Variants in PRH1 observed in about 807,000 individuals in gnomAD.
PRH1 encodes the protein salivary acidic proline-rich phosphoprotein 1/2.
A neutral mutation model predicts 7.9 loss-of-function variants in PRH1; 7 were observed. That is an observed-to-expected ratio of 0.89 (90% CI 0.50 to 1.67). PRH1 has a LOEUF of 1.67. PRH1 is among the 40% of genes most tolerant of loss of function. The pLI is 0.00. For missense variants in PRH1, 109 were observed against 223.6 expected, an observed-to-expected ratio of 0.49 and a Z score of 3.27; for synonymous variants, 45 against 80.8, an observed-to-expected ratio of 0.56 and a Z score of 2.38.
At chr12:10,938,001 A>G in intron 2 of PRH1, 1 of 346,252 alleles carries the variant, frequency 2.9e-6, no homozygotes. Context: ...TAAAAATCTC[A>G]AAAAAGGTGA....
At chr12:11,114,665 T>C (rs1047595258) in intron 1 of PRH1, among the ~76,000 whole-genome samples, 1 of 151,928 alleles carries the variant, frequency 6.6e-6, no homozygotes, top group Non-Finnish European at 1.5e-5. Flanking sequence ...AAAAAAATAA[T>C]AGCCACAACA....
chr12:11,080,171 C>G (rs1469454694), intron 1 of PRH1, among the ~76,000 whole-genome samples: 28,248 of 79,972 alleles, frequency 0.35, 1,871 homozygotes, highest in Non-Finnish European at 0.44. Context: ...TACCAACAAG[C>G]TATGCAACCC....
In PRH1 at chr12:11,109,702, T is replaced by C. The variant is rs147442805; in HGVS notation, n.123+61720A>G. Among the ~76,000 whole-genome samples, 256 of 151,986 alleles carry C rather than the reference T, an allele frequency of 1.7e-3. 2 individuals are homozygous for C. The highest frequency in any genetic ancestry group is 5.8e-3 in the African/African-American group (240 of 41,430). On this transcript the variant is annotated intron_variant and non_coding_transcript_variant, in intron 1 of 4. Transcript: ENST00000541977. ...CAAAGACCAAAGGTAGAAAAATCCA[T>C]GATGATGAGGAAAAACCAGGGCAAA...
chr12:11,165,513 GTTAT>G, intron 1 of PRH1, among the ~76,000 whole-genome samples: 1 of 152,162 alleles, frequency 6.6e-6, no homozygotes, highest in Non-Finnish European at 1.5e-5. Context: ...TCCTGAGCAT[GTTAT>G]TTATCTTTTC....
chr12:10,943,134 A>C (rs1950430075), intron 2 of PRH1, among the ~76,000 whole-genome samples: 1 of 152,146 alleles, frequency 6.6e-6, no homozygotes, highest in South Asian at 2.1e-4. Context: ...TTTTTTCTGC[A>C]GTCTTTCTGG....
intron 1 of PRH1, among the ~76,000 whole-genome samples, chr12:11,122,155 A>G (rs1348622956): frequency 6.6e-6 from 1 of 152,228 alleles, no homozygotes; most frequent in Non-Finnish European, 1.5e-5. Context: ...TAGACTTTAC[A>G]CAGAGATTTA....
intron 1 of PRH1, among the ~76,000 whole-genome samples, chr12:11,137,829 T>C (rs1237177564): frequency 6.6e-6 from 1 of 152,148 alleles, no homozygotes; most frequent in East Asian, 1.9e-4. Context: ...TTTAATGAGA[T>C]AGATGTGGAT....
chr12:11,115,905 G>C (rs1483003039), downstream of PRH1, among the ~76,000 whole-genome samples: 1 of 151,872 alleles, frequency 6.6e-6, no homozygotes, highest in Non-Finnish European at 1.5e-5. Flanking sequence ...GCAATACTAA[G>C]AAGGAAATTT....
intron 1 of PRH1, among the ~76,000 whole-genome samples, chr12:11,110,400 G>GCCAGACAGAAA (rs1452017091): frequency 1.3e-5 from 2 of 152,146 alleles, no homozygotes; most frequent in Admixed American, 1.3e-4. Flanking sequence ...AGGAAAAAAT[G>GCCAGACAGAAA]TTAAGAACAG....
At chr12:10,957,206 C>A (rs1467104531) in intron 2 of PRH1, among the ~76,000 whole-genome samples, 1 of 151,800 alleles carries the variant, frequency 6.6e-6, no homozygotes, top group African/African-American at 2.4e-5. Context: ...GGTAGTGGTA[C>A]AAAAACAGGC....
At position 11,085,461 on chromosome 12, in the gene PRH1, C is replaced by T. The variant is rs555399947; in HGVS notation, n.124-38273G>A. Among the ~76,000 whole-genome samples the T allele has an allele frequency of 6.0e-5, 7 of 117,572 alleles. No individual in the cohort carries two copies. In the South Asian group the frequency reaches 9.1e-4, roughly 15 times the overall value. The allele number at this position is 117,572 out of a possible 152,430, so 77.1% of individuals were successfully genotyped here. On this transcript the variant is annotated intron_variant and non_coding_transcript_variant, in intron 1 of 4. Coordinates refer to the PRH1 transcript ENST00000541977. ...ATGTCTGAATTTTTTTAAGGCAGGCCTAATATCAAGGCCTAATGGACAAGA... is the reference window on the plus strand; with the variant it reads ...ATGTCTGAATTTTTTTAAGGCAGGCTTAATATCAAGGCCTAATGGACAAGA...
chr12:11,158,391 AT>A (rs35289812), intron 1 of PRH1, among the ~76,000 whole-genome samples: 32,185 of 151,982 alleles, frequency 0.21, 4,009 homozygotes, highest in Non-Finnish European at 0.27. Context: ...ACATTTTATA[AT>A]TTTTTCCCTA....
intron 1 of PRH1, among the ~76,000 whole-genome samples, chr12:11,112,279 G>C (rs181973567): frequency 3.3e-5 from 5 of 152,272 alleles, no homozygotes; most frequent in South Asian, 2.1e-4. Flanking sequence ...TGGAAAAAGA[G>C]GGACTACTCC....
chr12:11,129,945 G>C (rs1026814288), intron 1 of PRH1, among the ~76,000 whole-genome samples: 5 of 152,214 alleles, frequency 3.3e-5, no homozygotes, highest in African/African-American at 7.2e-5. Flanking sequence ...GAGCCCAGGA[G>C]TTTGAGACCA....
chr12:11,163,287 A>T (rs1039209571), intron 1 of PRH1, among the ~76,000 whole-genome samples: 1 of 152,192 alleles, frequency 6.6e-6, no homozygotes, highest in South Asian at 2.1e-4. Context: ...TTTGTTTTGA[A>T]GTTTTACCCC....
intron 1 of PRH1, among the ~76,000 whole-genome samples, chr12:10,984,420 A>G (rs1436002676): frequency 2.6e-5 from 4 of 151,782 alleles, no homozygotes; most frequent in African/African-American, 9.7e-5. Context: ...AATTTATGCA[A>G]CTTTGGATTT....
At chr12:11,090,498 A>G (rs1226776772) in intron 1 of PRH1, among the ~76,000 whole-genome samples, 1 of 116,696 alleles carries the variant, frequency 8.6e-6, no homozygotes, top group East Asian at 2.1e-4. Context: ...GGAAGAAATG[A>G]CGTTTCTAAC....
intron 1 of PRH1, among the ~76,000 whole-genome samples, chr12:11,160,729 T>TC (rs1436785809): frequency 6.6e-6 from 1 of 152,134 alleles, no homozygotes; most frequent in African/African-American, 2.4e-5. Flanking sequence ...TGCCTCAGCC[T>TC]CCAAAAGTGC....
At chr12:11,143,398 A>G (rs944338253) in intron 1 of PRH1, among the ~76,000 whole-genome samples, 2 of 152,198 alleles carry the variant, frequency 1.3e-5, no homozygotes, top group Admixed American at 6.5e-5. Flanking sequence ...AAACTATATC[A>G]TATCACCAGA....
Sources: gnomAD v4.1 joint callset for allele counts (sites outside exome capture counted in the v4.1 genomes callset) on GRCh38, gnomAD v4.1.1 for gene constraint, MANE v1.5 for transcripts, NCBI Gene and HGNC (gene_info 2026-07-23, HGNC 2026-07-21) for gene names.